CYTH2: variants seen among roughly 807,000 people sequenced by gnomAD.
The protein encoded by CYTH2 is cytohesin-2.
A neutral mutation model predicts 55.4 loss-of-function variants in CYTH2; 24 were observed. The observed-to-expected ratio is 0.43, with a 90% CI of 0.31 to 0.61. The LOEUF is 0.61. Ranked by LOEUF, CYTH2 falls within the 20% of genes least tolerant of loss-of-function variation. The pLI, the probability that CYTH2 is intolerant of heterozygous loss-of-function variation, is 0.08. For missense variants in CYTH2, 378 were observed against 533.5 expected, an observed-to-expected ratio of 0.71 and a Z score of 2.87; for synonymous variants, 221 against 209.6, an observed-to-expected ratio of 1.05 and a Z score of -0.47.
At chr19:48,473,245 C>T in intron 4 of CYTH2, 53 bp from the exon 5 acceptor site, 1 of 1,592,524 alleles carries the variant, frequency 6.3e-7, no homozygotes, top group Non-Finnish European at 8.6e-7. Flanking sequence ...GCCCTTTGCC[C>T]ATTCCTGCCC....
At chr19:48,469,866 A>G (rs1293490061) in intron 1 of CYTH2, 3 of 461,858 alleles carry the variant, frequency 6.5e-6, no homozygotes, top group South Asian at 5.1e-5. Flanking sequence ...CGGGGAGGGG[A>G]GAAATCTTGG....
chr19:48,472,902 A>G, intron 4 of CYTH2: 2 of 308,200 alleles, frequency 6.5e-6, no homozygotes, highest in Middle Eastern at 1.2e-3. Flanking sequence ...CCATCTGTGG[A>G]CGTCTGGGAA....
chr19:48,473,508 T>G, intron 5 of CYTH2, 130 bp downstream of exon 5: 3 of 906,956 alleles, frequency 3.3e-6, no homozygotes, highest in Non-Finnish European at 5.3e-6. Flanking sequence ...GGGAACTGAG[T>G]GTGTCCTGCA....
chr19:48,473,731 A>G (rs1051673280), intron 5 of CYTH2, 174 bp from the exon 6 acceptor site: 4 of 617,556 alleles, frequency 6.5e-6, no homozygotes, highest in South Asian at 2.0e-5. Context: ...GGGATTCACA[A>G]CACTCCCGTG....
chr19:48,469,976 G>C (rs1409684047), intron 1 of CYTH2: 3 of 555,182 alleles, frequency 5.4e-6, no homozygotes, highest in Non-Finnish European at 1.1e-5. Context: ...CAGTAGTCCG[G>C]ATAACCAGGT....
Position 48,479,343 on chromosome 19 carries a change from T to A in CYTH2, c.*133T>A. ...ACCTCTAGCTCCTCACTGTTCTTTG[T>A]AATTAACACGCTGTTGGTAATCTTA... On this transcript the variant is annotated 3_prime_UTR_variant, in exon 12 of 12. Transcript: ENST00000452733. 1.3e-6 allele frequency: 1 copy of A among 778,200 alleles called. No individual in the cohort carries two copies. Among genetic ancestry groups the A allele is most frequent in the Non-Finnish European group, 2.1e-6 (1 of 473,422 alleles). The allele number at this position is 778,200 out of a possible 1,614,324, so 48.2% of individuals were successfully genotyped here.
At position 48,478,111 on chromosome 19, in the gene CYTH2, C is replaced by G. The variant is rs1305491457; in HGVS notation, c.851C>G (p.Thr284Arg). The G allele has an allele frequency of 6.2e-7, 1 of 1,614,044 alleles. No individual in the cohort carries two copies. Among genetic ancestry groups the G allele is most frequent in the Non-Finnish European group, 8.5e-7 (1 of 1,180,020 alleles). Residue 284 changes from threonine (T) to arginine (R), a missense_variant, in exon 9 of 12, where the codon ACA (threonine) becomes AGA (arginine). Thr to Arg is a moderately conservative substitution (Grantham distance 71, BLOSUM62 -1). Coordinates refer to ENST00000452733, the MANE Select transcript of CYTH2 (RefSeq NM_004228.7). The stretch of plus-strand genomic sequence containing the variant: ...TGGAAGCGGCGCTGGTTTATCCTCA[C>G]AGACAACTGCCTCTACTACTTTGAG... ...KTWKRRWFIL[T>R]DNCLYYFEYT...
chr19:48,478,640 CTCCT>C (rs1971976500), intron 11 of CYTH2, 48 bp downstream of exon 11: 1 of 1,507,106 alleles, frequency 6.6e-7, no homozygotes, highest in Non-Finnish European at 8.9e-7. Context: ...GGGGCCTGGA[CTCCT>C]GGGTCTGATG....
chr19:48,478,354 C>G lies in CYTH2; in HGVS notation c.957+8C>G, dbSNP rs145710905. 2.1e-3 allele frequency: 3,397 copies of G among 1,614,066 alleles called. 12 individuals carry two copies. Among genetic ancestry groups the G allele is most frequent in the Middle Eastern group, 0.011 (68 of 6,060 alleles). The stretch of plus-strand genomic sequence containing the variant: ...GACGACCCCCGGAAACCGGTAAGAC[C>G]CTCTCTGTACACCTTCCTGCCAGGG... On this transcript the variant is annotated splice_region_variant and intron_variant, in intron 10 of 11. Transcript: ENST00000452733.
At chr19:48,469,847 C>T (rs1971750502) in intron 1 of CYTH2, 1 of 332,664 alleles carries the variant, frequency 3.0e-6, no homozygotes, top group Non-Finnish European at 5.9e-6. Context: ...GGGAGGGGCG[C>T]TTGGGTTGCG....
chr19:48,476,554 C>G (rs183408695), intron 8 of CYTH2: 2 of 152,540 alleles, frequency 1.3e-5, no homozygotes, highest in South Asian at 2.1e-4. Flanking sequence ...CAGGAAGGCG[C>G]CAGCATCACG....
chr19:48,474,731 C>T lies in CYTH2; in HGVS notation c.697-107C>T, dbSNP rs1424553168. 12 of 924,566 alleles carry T rather than the reference C, an allele frequency of 1.3e-5. No individual in the cohort carries two copies. Among genetic ancestry groups the T allele is most frequent in the Admixed American group, 2.2e-5 (1 of 46,384 alleles). 57.3% of individuals were successfully genotyped at this position (924,566 alleles called of 1,614,324 possible). The stretch of plus-strand genomic sequence containing the variant: ...CCTCTCCTCCCCACTACCCCTCTCT[C>T]TTCCCCACTATGAGTCATCCCATCC... On this transcript the variant is annotated intron_variant, in intron 7 of 11. Transcript: ENST00000452733. The surrounding 1 kb of genome is among the most constrained non-coding windows in gnomAD (Gnocchi z 4.9).
Position 48,480,321 on chromosome 19 carries a change from A to C in CYTH2, c.*1111A>C, listed in dbSNP as rs191999713. On this transcript the variant is annotated 3_prime_UTR_variant, in exon 12 of 12. Transcript: ENST00000452733. ...CAGCAGGGACCGGGACGCGGGTGGG[A>C]GAGGCGCCTGTGGCCCCGAGGCGTG... The C allele has an allele frequency of 9.2e-5, 14 of 152,354 alleles. No homozygotes were observed. Among genetic ancestry groups the C allele is most frequent in the Non-Finnish European group, 1.5e-4 (10 of 68,044 alleles). The allele number at this position is 152,354 out of a possible 1,614,324, so 9.4% of individuals were successfully genotyped here.
intron 8 of CYTH2, chr19:48,477,818 G>A (rs901940876): frequency 9.8e-6 from 5 of 512,184 alleles, no homozygotes; most frequent in Middle Eastern, 5.1e-4. Context: ...GGAGGAGGGG[G>A]CTGGGGGCTC....
chr19:48,474,787 C>G lies in CYTH2; in HGVS notation c.697-51C>G. ...CTCGCTGCCCCCCACCCTGAGTAAC[C>G]CTGGGGGGCCCCAGGGGGCTCGAAT... On this transcript the variant is annotated intron_variant, in intron 7 of 11. Coordinates refer to ENST00000452733, the MANE Select transcript of CYTH2 (RefSeq NM_004228.7). This position sits in a 1 kb window ranked among gnomAD's most constrained non-coding sequence, Gnocchi z 4.9. 2 of 1,577,866 alleles carry G rather than the reference C, an allele frequency of 1.3e-6. No individual in the cohort carries two copies. The highest frequency in any genetic ancestry group is 1.7e-6 in the Non-Finnish European group (2 of 1,148,014).
Position 48,470,328 on chromosome 19 carries a change from T to C in CYTH2, c.20-25T>C, listed in dbSNP as rs200443946. ...AGGCTCACGGCCCCTAGCACTGACT[T>C]TTAAACCTTGACCCCGATCCCTAGA... is the stretch of plus-strand genomic sequence containing the variant. On this transcript the variant is annotated intron_variant, in intron 1 of 11. Transcript: ENST00000452733. 13 of 1,589,382 alleles carry C rather than the reference T, an allele frequency of 8.2e-6. No homozygotes were observed. In the East Asian group the frequency reaches 2.9e-4, roughly 36 times the overall value.
chr19:48,475,415 T>G (rs996821792), intron 8 of CYTH2: 4 of 156,372 alleles, frequency 2.6e-5, no homozygotes, highest in African/African-American at 9.6e-5. Context: ...CTGATCCAGG[T>G]GCCATCCTTC....
At chr19:48,472,475 C>CCCCCCCCCCCCCCCCCCAA in intron 4 of CYTH2, 32 bp downstream of exon 4, 1 of 1,552,138 alleles carries the variant, frequency 6.4e-7, no homozygotes. Flanking sequence ...TGTGGGGCCC[C>CCCCCCCCCCCCCCCCCCAA]TCCCTCCCAC....
At chr19:48,471,141 G>A (rs1032123788) in intron 3 of CYTH2, among the ~76,000 whole-genome samples, 1 of 137,548 alleles carries the variant, frequency 7.3e-6, no homozygotes, top group African/African-American at 3.4e-5. Flanking sequence ...ACCAGGTGGA[G>A]GAAAGGCTTT....
Sources: allele counts gnomAD v4.1 joint callset (sites outside exome capture counted in the v4.1 genomes callset), GRCh38; gene constraint gnomAD v4.1.1; non-coding constraint Gnocchi (gnomAD v3.1); transcripts MANE v1.5; gene names NCBI Gene and HGNC (gene_info 2026-07-23, HGNC 2026-07-21).